AFAP1: variants seen among roughly 807,000 people sequenced by gnomAD.
AFAP1 encodes actin filament-associated protein 1.
Under a neutral mutation model 93.9 loss-of-function variants are expected in AFAP1, and 75 were observed. The ratio of observed to expected loss-of-function variants is 0.80; its 90% CI spans 0.66 to 0.97. The LOEUF (loss-of-function observed/expected upper bound fraction) is 0.97. Ranked by LOEUF, AFAP1 falls within the 50% of genes least tolerant of loss-of-function variation. The pLI is 0.00. For synonymous variants in AFAP1, 517 were observed against 430.7 expected (o/e 1.20, Z -2.48); for missense variants, 1,201 against 1,050.8 (o/e 1.14, Z -1.98).
chr4:7,811,818 T>TGGTA (rs1465895994), intron 8 of AFAP1, among the ~76,000 whole-genome samples: 3 of 152,090 alleles, frequency 2.0e-5, no homozygotes, highest in Non-Finnish European at 2.9e-5. Flanking sequence ...ACGCAGTCTG[T>TGGTA]GGTATTCTGT....
At chr4:7,835,508 A>G (rs1482732010) in intron 6 of AFAP1, among the ~76,000 whole-genome samples, 6 of 26,792 alleles carry the variant, frequency 2.2e-4, no homozygotes, top group African/African-American at 2.7e-4. Flanking sequence ...GGGCTGCCTT[A>G]AGGTTACCTG....
At chr4:7,888,205 A>G (rs377397470) in intron 1 of AFAP1, among the ~76,000 whole-genome samples, 1 of 152,362 alleles carries the variant, frequency 6.6e-6, no homozygotes, top group Middle Eastern at 3.4e-3. Flanking sequence ...AAATTGTGAC[A>G]TTTTAGAAAA....
intron 1 of AFAP1, among the ~76,000 whole-genome samples, chr4:7,880,570 A>G (rs937353160): frequency 5.3e-5 from 8 of 152,198 alleles, no homozygotes; most frequent in Non-Finnish European, 5.9e-5. Context: ...GAGCCACCGC[A>G]CCCGGCCCAA....
intron 16 of AFAP1, among the ~76,000 whole-genome samples, chr4:7,771,842 CACAGGAGACTGGG>C (rs1359655030): frequency 1.3e-5 from 2 of 151,976 alleles, no homozygotes; most frequent in African/African-American, 4.8e-5. Context: ...GCTGGGGTGC[CACAGGAGACTGGG>C]GCAGGGATGG....
chr4:7,882,268 C>CA (rs1717895288), intron 1 of AFAP1, among the ~76,000 whole-genome samples: 1 of 151,774 alleles, frequency 6.6e-6, no homozygotes, highest in Admixed American at 6.6e-5. Context: ...ATTACCCTCA[C>CA]AAAAAAACAA....
intron 5 of AFAP1, 66 bp from the exon 6 acceptor site, chr4:7,838,769 C>G (rs1188803795): frequency 6.4e-7 from 1 of 1,563,158 alleles, no homozygotes; most frequent in African/African-American, 1.4e-5. Context: ...TGAGGAAGCT[C>G]TAGCATCATG....
At chr4:7,855,112 T>A (rs1040700072) in intron 4 of AFAP1, among the ~76,000 whole-genome samples, 1 of 152,188 alleles carries the variant, frequency 6.6e-6, no homozygotes, top group Admixed American at 6.5e-5. Flanking sequence ...GCAGAATGGG[T>A]GCAGCCCAAG....
At chr4:7,888,790 T>TTTC (rs150274901) in intron 1 of AFAP1, among the ~76,000 whole-genome samples, 17,309 of 152,038 alleles carry the variant, frequency 0.11, 1,136 homozygotes, top group Non-Finnish European at 0.16. Context: ...ACAGTTTTTT[T>TTTC]TTGTTGTTGT....
intron 3 of AFAP1, among the ~76,000 whole-genome samples, chr4:7,863,495 G>A (rs577421734): frequency 6.6e-6 from 1 of 152,300 alleles, no homozygotes; most frequent in South Asian, 2.1e-4. Context: ...TTGAATAGAT[G>A]CATATTTTAG....
At chr4:7,884,705 A>G (rs1718045220) in intron 1 of AFAP1, among the ~76,000 whole-genome samples, 1 of 152,230 alleles carries the variant, frequency 6.6e-6, no homozygotes, top group Non-Finnish European at 1.5e-5. Flanking sequence ...GAAAACCCAA[A>G]CAGAAAAAAA....
intron 6 of AFAP1, among the ~76,000 whole-genome samples, chr4:7,820,451 G>C (rs1441983426): frequency 2.0e-5 from 3 of 152,190 alleles, no homozygotes; most frequent in Non-Finnish European, 4.4e-5. Context: ...AGATCAGGGA[G>C]AAGGACCTGG....
At chr4:7,908,299 C>G (rs1248269903) in intron 1 of AFAP1, among the ~76,000 whole-genome samples, 1 of 152,210 alleles carries the variant, frequency 6.6e-6, no homozygotes, top group African/African-American at 2.4e-5. Context: ...CAAGGGCACA[C>G]AGGGTGCCCC....
At chr4:7,901,538 T>A (rs1719116680) in intron 1 of AFAP1, among the ~76,000 whole-genome samples, 1 of 152,176 alleles carries the variant, frequency 6.6e-6, no homozygotes, top group Non-Finnish European at 1.5e-5. Flanking sequence ...CGCCACAGTC[T>A]GATGCAGCTG....
At chr4:7,922,273 T>C (rs1720480613) in intron 1 of AFAP1, among the ~76,000 whole-genome samples, 1 of 152,002 alleles carries the variant, frequency 6.6e-6, no homozygotes, top group African/African-American at 2.4e-5. Flanking sequence ...TATGAAAAAA[T>C]GGGGGAATAA....
chr4:7,842,192 GTACTCTGTTTTAAAAA>G (rs1713095290), intron 5 of AFAP1, among the ~76,000 whole-genome samples: 1 of 147,736 alleles, frequency 6.8e-6, no homozygotes, highest in Non-Finnish European at 1.5e-5. Flanking sequence ...GAAAAAATAT[GTACTCTGTTTTAAAAA>G]ACTGAACAAA....
At chr4:7,864,487 T>TA (rs1424595036) in intron 3 of AFAP1, among the ~76,000 whole-genome samples, 4 of 152,166 alleles carry the variant, frequency 2.6e-5, no homozygotes, top group Non-Finnish European at 4.4e-5. Flanking sequence ...CCAAATTCAC[T>TA]AAAAAACTAT....
intron 1 of AFAP1, among the ~76,000 whole-genome samples, chr4:7,926,231 G>C (rs1720728350): frequency 6.6e-6 from 1 of 152,190 alleles, no homozygotes; most frequent in South Asian, 2.1e-4. Context: ...ATTAAGAGGA[G>C]ATTCTCCTAC....
chr4:7,805,493 G>A (rs144195011), intron 9 of AFAP1, among the ~76,000 whole-genome samples: 2 of 152,188 alleles, frequency 1.3e-5, no homozygotes, highest in Non-Finnish European at 2.9e-5. Context: ...AAAACATGTC[G>A]GATGAATACA....
At chr4:7,857,546 G>A (rs1261393497) in intron 3 of AFAP1, among the ~76,000 whole-genome samples, 1 of 152,102 alleles carries the variant, frequency 6.6e-6, no homozygotes, top group African/African-American at 2.4e-5. Context: ...GCGTTAGGCT[G>A]GACCATCTCC....
Sources: allele counts gnomAD v4.1 joint callset (sites outside exome capture counted in the v4.1 genomes callset), GRCh38; gene constraint gnomAD v4.1.1; transcripts MANE v1.5; gene names NCBI Gene and HGNC (gene_info 2026-07-23, HGNC 2026-07-21).